The following CBX7 variants were observed in gnomAD, a reference collection of about 807,000 sequenced individuals.
CBX7 encodes chromobox 7.
A neutral mutation model predicts 31.4 loss-of-function variants in CBX7; 14 were observed. The observed-to-expected ratio is 0.45, with a 90% CI of 0.29 to 0.70. The LOEUF is 0.70. Among genes scored for constraint, CBX7 ranks in the 30% least tolerant of loss-of-function variants. CBX7 has a pLI of 0.11. For missense variants in CBX7, 269 were observed against 351.9 expected (o/e 0.76, Z 1.89); for synonymous variants, 159 against 152.6 (o/e 1.04, Z -0.31).
chr22:39,134,776 G>T (rs1157867296), intron 4 of CBX7, 24 bp from the exon 5 acceptor site: 3 of 1,423,046 alleles, frequency 2.1e-6, no homozygotes, highest in Admixed American at 2.4e-5. Context: ...CCAGGGCAGC[G>T]CGGGTCAGCC....
chr22:39,147,207 G>A (rs1930693494), intron 2 of CBX7: 1 of 143,624 alleles, frequency 7.0e-6, no homozygotes, highest in Non-Finnish European at 1.5e-5. Context: ...GGGATTACAG[G>A]CGCACATCAC....
At chr22:39,134,262 G>T in intron 5 of CBX7, 139 bp downstream of exon 5, 1 of 875,796 alleles carries the variant, frequency 1.1e-6, no homozygotes, top group Non-Finnish European at 1.7e-6. Context: ...GGAGCCCTGG[G>T]CTAGTGTTGG....
At chr22:39,143,426 A>G (rs369111127) in intron 2 of CBX7, among the ~76,000 whole-genome samples, 3 of 152,310 alleles carry the variant, frequency 2.0e-5, no homozygotes, top group South Asian at 4.1e-4. Flanking sequence ...AAAGAGACAA[A>G]AAGGTTTAAA....
intron 2 of CBX7, among the ~76,000 whole-genome samples, chr22:39,144,933 G>A (rs948926581): frequency 6.6e-6 from 1 of 152,222 alleles, no homozygotes; most frequent in African/African-American, 2.4e-5. Context: ...AGGTTGGGCA[G>A]CCAGCCCAGC....
intron 4 of CBX7, chr22:39,134,985 G>A (rs1052677266): frequency 1.4e-5 from 7 of 500,534 alleles, no homozygotes; most frequent in African/African-American, 5.9e-5. Flanking sequence ...CAGAGCACTC[G>A]CGTCCCAGCG....
chr22:39,143,350 T>C (rs777753150), intron 2 of CBX7, among the ~76,000 whole-genome samples: 1 of 151,954 alleles, frequency 6.6e-6, no homozygotes, highest in Non-Finnish European at 1.5e-5. Flanking sequence ...AGAAAGCTTA[T>C]AGAATATAAA....
chr22:39,137,159 A>C (rs1341729327), intron 4 of CBX7, among the ~76,000 whole-genome samples: 1 of 152,198 alleles, frequency 6.6e-6, no homozygotes, highest in Non-Finnish European at 1.5e-5. Context: ...GCTTGGAACC[A>C]GAAGTGTTTC....
At position 39,142,178 on chromosome 22, in the gene CBX7, T is replaced by C. The variant is rs185883478; in HGVS notation, c.114-742A>G. Among the ~76,000 whole-genome samples the C allele has an allele frequency of 4.6e-5, 7 of 152,302 alleles. No homozygotes were observed. The East Asian group carries it at 1.4e-3, about 29-fold the overall frequency. The stretch of plus-strand genomic sequence containing the variant: ...AGCTCTGTGCCTCAATGTCCCCCTC[T>C]GTAAAGGACTCTTGTGCTGATGAGA... On this transcript the variant is annotated intron_variant, in intron 2 of 5. Coordinates refer to ENST00000216133, the MANE Select transcript of CBX7 (RefSeq NM_175709.5).
intron 1 of CBX7, 35 bp from the exon 2 acceptor site, chr22:39,149,867 G>C (rs768420455): frequency 6.3e-7 from 1 of 1,597,212 alleles, no homozygotes; most frequent in South Asian, 1.1e-5. Flanking sequence ...AGTGAGTCTC[G>C]TGGTTGCCCC....
intron 4 of CBX7, 40 bp from the exon 5 acceptor site, chr22:39,134,792 C>T: frequency 2.4e-6 from 3 of 1,267,226 alleles, no homozygotes; most frequent in South Asian, 1.5e-5. Flanking sequence ...CAGCCCCACC[C>T]TCCCACCCGC....
chr22:39,146,100 G>T (rs1216491550), intron 2 of CBX7, among the ~76,000 whole-genome samples: 2 of 152,226 alleles, frequency 1.3e-5, no homozygotes, highest in Non-Finnish European at 2.9e-5. Context: ...GGTCCAGACT[G>T]CGGGGTGCGG....
In CBX7 at chr22:39,131,038, G is replaced by A. The variant is rs8136600; in HGVS notation, c.*2853C>T. 2.2e-3 allele frequency: 343 copies of A among 152,708 alleles called. 3 individuals are homozygous for A. Among genetic ancestry groups the A allele is most frequent in the African/African-American group, 7.8e-3 (323 of 41,536 alleles). The allele number at this position is 152,708 out of a possible 1,614,324, so 9.5% of individuals were successfully genotyped here. On this transcript the variant is annotated 3_prime_UTR_variant, in exon 6 of 6. Coordinates refer to ENST00000216133, the MANE Select transcript of CBX7 (RefSeq NM_175709.5). ...TCGAAGCTCATTCTGTGCAAAGGAA[G>A]CGCTCTTGTGCTGAGACCTGGTGGC...
rs79792977 is a variant in CBX7 at position 39,146,984 on chromosome 22, T to C, written c.113+2805A>G. 1.2e-3 allele frequency: 180 copies of C among 151,946 alleles called. 1 individual carries two copies. In the East Asian group the frequency reaches 0.021, roughly 18 times the overall value. 9.4% of individuals were successfully genotyped at this position (151,946 alleles called of 1,614,324 possible). On this transcript the variant is annotated intron_variant, in intron 2 of 5. Transcript: ENST00000216133. ...CCTCCCTGTGCCATTTGCTGTGCTT[T>C]CCAGAAGAAGCAAGAGAGCCCCTCT...
chr22:39,145,283 ACCGCG>A (rs1162631698), intron 2 of CBX7, among the ~76,000 whole-genome samples: 1 of 150,474 alleles, frequency 6.6e-6, no homozygotes, highest in Non-Finnish European at 1.5e-5. Flanking sequence ...GCCGCGCCGC[ACCGCG>A]CCGCGCCCTC....
At chr22:39,151,886 C>G (rs1005300) in intron 1 of CBX7, among the ~76,000 whole-genome samples, 92,007 of 136,844 alleles carry the variant, frequency 0.67, 32,246 homozygotes, top group African/African-American at 0.9. Context: ...GCTCGGGTGG[C>G]GTAGAGGGGG....
chr22:39,141,161 G>C (rs1930441286), intron 3 of CBX7: 2 of 529,270 alleles, frequency 3.8e-6, no homozygotes, highest in Non-Finnish European at 3.4e-6. Context: ...GGAAGTGACC[G>C]AGATCACCCA....
chr22:39,147,625 C>CT (rs1474438939), intron 2 of CBX7: 1 of 151,894 alleles, frequency 6.6e-6, no homozygotes, highest in Middle Eastern at 3.2e-3. Flanking sequence ...GAGTGAACCT[C>CT]TGTTTCCCCC....
chr22:39,137,273 C>T (rs537702481), intron 4 of CBX7, among the ~76,000 whole-genome samples: 6 of 137,578 alleles, frequency 4.4e-5, no homozygotes, highest in African/African-American at 1.7e-4. Flanking sequence ...ATGAACACTT[C>T]CTTTGAACAT....
rs989648356 is a variant in CBX7, at chr22:39,132,575, G to C, written c.*1316C>G. 1.3e-5 allele frequency: 2 copies of C among 152,722 alleles called. No homozygotes were observed. The highest frequency in any genetic ancestry group is 1.3e-4 in the Admixed American group (2 of 15,300). The allele number at this position is 152,722 out of a possible 1,614,324, so 9.5% of individuals were successfully genotyped here. ...CCAGGGGTGGGCTGGGGCAAAGCCTGCCCATCACACAGCACAGCCTGACCT... is the reference window on the plus strand; with the variant it reads ...CCAGGGGTGGGCTGGGGCAAAGCCTCCCCATCACACAGCACAGCCTGACCT... On this transcript the variant is annotated 3_prime_UTR_variant, in exon 6 of 6. Coordinates refer to ENST00000216133, the MANE Select transcript of CBX7 (RefSeq NM_175709.5).
Sources: allele counts gnomAD v4.1 joint callset (sites outside exome capture counted in the v4.1 genomes callset), GRCh38; gene constraint gnomAD v4.1.1; transcripts MANE v1.5; gene names NCBI Gene and HGNC (gene_info 2026-07-23, HGNC 2026-07-21).